ADGRV1: variants seen among roughly 807,000 people sequenced by gnomAD.
ADGRV1 encodes the protein adhesion G protein-coupled receptor V1, also known as G-protein coupled receptor 98.
In ADGRV1, 359 loss-of-function variants were observed where a neutral mutation model predicts 596.2. The ratio of observed to expected loss-of-function variants is 0.60; its 90% CI spans 0.55 to 0.66. The LOEUF is 0.66. Ranked by LOEUF, ADGRV1 falls within the 30% of genes least tolerant of loss-of-function variation. ADGRV1 has a pLI of 0.00. For missense variants in ADGRV1, 7,274 were observed against 7,575.6 expected, an observed-to-expected ratio of 0.96 and a Z score of 1.48; for synonymous variants, 2,681 against 2,679.2, an observed-to-expected ratio of 1.00 and a Z score of -0.02.
At chr5:90,570,415 AT>A (rs1756366313) in intron 1 of ADGRV1, among the ~76,000 whole-genome samples, 1 of 151,740 alleles carries the variant, frequency 6.6e-6, no homozygotes, top group Non-Finnish European at 1.5e-5. Context: ...CTTTGTGTTT[AT>A]TTTACTTAGA....
chr5:90,589,937 T>C (rs1759255547), intron 1 of ADGRV1, among the ~76,000 whole-genome samples: 1 of 152,226 alleles, frequency 6.6e-6, no homozygotes, highest in African/African-American at 2.4e-5. Context: ...TGCTTTTCTA[T>C]GGATATACTC....
intron 21 of ADGRV1, among the ~76,000 whole-genome samples, chr5:90,661,273 G>T (rs4916814): frequency 0.74 from 112,638 of 152,126 alleles, 42,829 homozygotes; most frequent in African/African-American, 0.91. Context: ...CTTGCTAATC[G>T]TATTGTTTTA....
chr5:90,678,822 G>T (rs1561511000), intron 25 of ADGRV1, among the ~76,000 whole-genome samples: 1 of 151,756 alleles, frequency 6.6e-6, no homozygotes, highest in African/African-American at 2.4e-5. Flanking sequence ...TTCTCAACAC[G>T]GTTGCATTTG....
chr5:90,870,976 TA>T (rs1768613013), intron 83 of ADGRV1, among the ~76,000 whole-genome samples: 1 of 152,234 alleles, frequency 6.6e-6, no homozygotes, highest in South Asian at 2.1e-4. Flanking sequence ...TTAATCACCT[TA>T]TATCTAGGAG....
At position 90,663,296 on chromosome 5, in the gene ADGRV1, T is replaced by C. The variant is rs1023677201; in HGVS notation, c.4752+5018T>C. On this transcript the variant is annotated intron_variant, in intron 21 of 89. Transcript: ENST00000405460. ...CTGTTGTTTCCTGACTTTTTAATGA[T>C]TGCCATTCTAACTGGTGTGAGATGG... 6.1e-5 allele frequency among the ~76,000 whole-genome samples: 9 copies of C among 148,496 alleles called. No individual in the cohort carries two copies. In the Admixed American group the frequency reaches 6.1e-4, roughly 10 times the overall value.
intron 83 of ADGRV1, among the ~76,000 whole-genome samples, chr5:90,904,996 A>AT (rs1772184234): frequency 6.6e-6 from 1 of 151,716 alleles, no homozygotes; most frequent in Admixed American, 6.6e-5. Flanking sequence ...AAAAGACTGC[A>AT]TTTTTTCTCA....
intron 83 of ADGRV1, among the ~76,000 whole-genome samples, chr5:90,950,702 T>A (rs751158240): frequency 6.6e-6 from 1 of 152,164 alleles, no homozygotes; most frequent in Non-Finnish European, 1.5e-5. Context: ...GAGTCAAAAT[T>A]TTGAGTAACT....
At chr5:90,801,476 A>G (rs1761367528) in intron 70 of ADGRV1, among the ~76,000 whole-genome samples, 1 of 152,068 alleles carries the variant, frequency 6.6e-6, no homozygotes, top group Non-Finnish European at 1.5e-5. Context: ...GGGGAGGGGT[A>G]CACTCTTACA....
At chr5:90,789,000 G>A (rs1410914515) in intron 68 of ADGRV1, among the ~76,000 whole-genome samples, 1 of 152,144 alleles carries the variant, frequency 6.6e-6, no homozygotes, top group South Asian at 2.1e-4. Flanking sequence ...TGGCAGGAAG[G>A]AAACTCAGGA....
chr5:90,927,120 G>C (rs375303233), intron 83 of ADGRV1, among the ~76,000 whole-genome samples: 3 of 147,378 alleles, frequency 2.0e-5, no homozygotes, highest in Non-Finnish European at 4.5e-5. Flanking sequence ...GTTGATTTGG[G>C]GTGGAGAGTT....
chr5:90,994,638 G>T (rs1466908593), intron 85 of ADGRV1, among the ~76,000 whole-genome samples: 1 of 152,008 alleles, frequency 6.6e-6, no homozygotes, highest in Non-Finnish European at 1.5e-5. Flanking sequence ...GTAAATTTTT[G>T]TTGAAAATTG....
intron 17 of ADGRV1, among the ~76,000 whole-genome samples, chr5:90,650,354 A>T (rs1768414150): frequency 6.6e-6 from 1 of 152,174 alleles, no homozygotes; most frequent in African/African-American, 2.4e-5. Flanking sequence ...CCCTGCCAAA[A>T]TTAGGTTTTA....
intron 21 of ADGRV1, among the ~76,000 whole-genome samples, chr5:90,661,475 G>A (rs575155511): frequency 1.3e-5 from 2 of 152,206 alleles, no homozygotes; most frequent in South Asian, 2.1e-4. Context: ...GGTATAATCC[G>A]ATATCACCAA....
chr5:90,927,620 TAG>T (rs1217006167), intron 83 of ADGRV1, among the ~76,000 whole-genome samples: 4 of 152,208 alleles, frequency 2.6e-5, no homozygotes, highest in Non-Finnish European at 5.9e-5. Flanking sequence ...TTGGAGCATT[TAG>T]TCCATTTACA....
chr5:91,078,259 C>G (rs1789027246), intron 86 of ADGRV1, among the ~76,000 whole-genome samples: 2 of 152,046 alleles, frequency 1.3e-5, no homozygotes, highest in Admixed American at 6.6e-5. Context: ...ATGCTCATCC[C>G]TTACATCCTA....
At chr5:90,927,057 T>A (rs1273633591) in intron 83 of ADGRV1, among the ~76,000 whole-genome samples, 4 of 147,664 alleles carry the variant, frequency 2.7e-5, no homozygotes, top group Admixed American at 1.3e-4. Flanking sequence ...CTTCCAAGTA[T>A]GTGGTCAATT....
intron 83 of ADGRV1, among the ~76,000 whole-genome samples, chr5:90,946,380 GATAAC>G: frequency 1.3e-5 from 2 of 152,206 alleles, no homozygotes; most frequent in Admixed American, 1.3e-4. Context: ...TTTGGCAAAA[GATAAC>G]ATAATGAATT....
At chr5:90,926,944 G>T (rs1442726638) in intron 83 of ADGRV1, among the ~76,000 whole-genome samples, 3,049 of 150,452 alleles carry the variant, frequency 0.02, 120 homozygotes, top group African/African-American at 0.073. Flanking sequence ...TTGAGCGGTT[G>T]TGAGTGAGAT....
intron 21 of ADGRV1, among the ~76,000 whole-genome samples, chr5:90,661,620 G>C (rs34490215): frequency 6.6e-6 from 1 of 151,992 alleles, no homozygotes; most frequent in African/African-American, 2.4e-5. Context: ...TCAAAAACTC[G>C]TCTTACTATT....
Sources: gnomAD v4.1 joint callset for allele counts (sites outside exome capture counted in the v4.1 genomes callset) on GRCh38, gnomAD v4.1.1 for gene constraint, MANE v1.5 for transcripts, NCBI Gene and HGNC (gene_info 2026-07-23, HGNC 2026-07-21) for gene names.